The following PCDHGB1 variants were observed in gnomAD, a reference collection of about 807,000 sequenced individuals.
The protein encoded by PCDHGB1 is protocadherin gamma-B1.
PCDHGB1 carries 34 observed loss-of-function variants against 56.6 expected under a neutral mutation model. The ratio of observed to expected loss-of-function variants is 0.60; its 90% CI spans 0.46 to 0.80. The LOEUF (loss-of-function observed/expected upper bound fraction) is 0.80, where lower values mean the gene tolerates loss of function less well. Ranked by LOEUF, PCDHGB1 falls within the 30% of genes least tolerant of loss-of-function variation. The pLI is 0.00. For missense variants in PCDHGB1, 1,278 were observed against 1,204.6 expected (o/e 1.06, Z -0.90); for synonymous variants, 561 against 505.9 (o/e 1.11, Z -1.46).
At chr5:141,420,725 C>T (rs1468308275) in intron 1 of PCDHGB1, among the ~76,000 whole-genome samples, 1 of 152,188 alleles carries the variant, frequency 6.6e-6, no homozygotes, top group African/African-American at 2.4e-5. Flanking sequence ...TCCTTTCAGT[C>T]GGTTAAAATC....
chr5:141,490,482 G>A lies in PCDHGB1; in HGVS notation c.2410-4325G>A. On this transcript the variant is annotated intron_variant, in intron 1 of 3. Coordinates refer to ENST00000523390, the MANE Select transcript of PCDHGB1 (RefSeq NM_018922.3). The surrounding 1 kb of genome is among the most constrained non-coding windows in gnomAD (Gnocchi z 5.4). ...TGCTAACCAGCCAGCCTTTGGACCG[G>A]GAGGCCACATCCCACTATATCATCG... 2.5e-6 allele frequency: 4 copies of A among 1,614,154 alleles called. No homozygotes were observed. In the South Asian group the frequency reaches 4.4e-5, roughly 18 times the overall value.
At chr5:141,388,668 C>T in intron 1 of PCDHGB1, 1 of 1,613,882 alleles carries the variant, frequency 6.2e-7, no homozygotes, top group Non-Finnish European at 8.5e-7. Context: ...GACCACGGTG[C>T]TACAGGTGAC....
chr5:141,351,358 AG>A lies in PCDHGB1; in HGVS notation c.1099del (p.Val367CysfsTer12). ...DLGTVIALIK[V>X]RDKDSGQNGM... is the part of the protein sequence containing the mutation. ...TTGGAACTGTAATAGCCCTCATAAA[AG>A]TGCGAGACAAGGATTCTGGGCAAAA... On this transcript the variant is annotated frameshift_variant, in exon 1 of 4. Transcript: ENST00000523390. LOFTEE classifies it high-confidence loss of function. 1 of 1,613,168 alleles carries A rather than the reference AG, an allele frequency of 6.2e-7. No homozygotes were observed. Among genetic ancestry groups the A allele is most frequent in the Non-Finnish European group, 8.5e-7 (1 of 1,179,490 alleles).
intron 1 of PCDHGB1, among the ~76,000 whole-genome samples, chr5:141,464,630 T>C (rs981288560): frequency 1.3e-5 from 2 of 152,176 alleles, no homozygotes; most frequent in African/African-American, 4.8e-5. Context: ...AGCTTTTTAA[T>C]TGTTGCCAAC....
chr5:141,414,908 G>A (rs758472270), intron 1 of PCDHGB1: 19 of 1,614,188 alleles, frequency 1.2e-5, no homozygotes, highest in Non-Finnish European at 1.6e-5. Flanking sequence ...GGTTCCACAG[G>A]CGTGGAGCTG....
rs1187072972 is a variant in PCDHGB1 at position 141,487,553 on chromosome 5, C to T, written c.2410-7254C>T. 4 of 1,614,050 alleles carry T rather than the reference C, an allele frequency of 2.5e-6. No individual in the cohort carries two copies. The African/African-American group carries it at 4.0e-5, about 16-fold the overall frequency. On this transcript the variant is annotated intron_variant, in intron 1 of 3. Coordinates refer to ENST00000523390, the MANE Select transcript of PCDHGB1 (RefSeq NM_018922.3). The surrounding 1 kb of genome is among the most constrained non-coding windows in gnomAD (Gnocchi z 5.0). ...CATGATGGTGAAGTCACCCAGTGCA[C>T]CTATGGCAGGGGAGCCTGTTCGCCC...
Position 141,491,910 on chromosome 5 carries a change from G to A in PCDHGB1, c.2410-2897G>A, listed in dbSNP as rs946745903. 1.4e-5 allele frequency: 19 copies of A among 1,406,944 alleles called. No individual in the cohort carries two copies. The South Asian group carries it at 2.6e-4, about 19-fold the overall frequency. 87.2% of individuals were successfully genotyped at this position (1,406,944 alleles called of 1,614,324 possible). On this transcript the variant is annotated intron_variant, in intron 1 of 3. Transcript: ENST00000523390. This position sits in a 1 kb window ranked among gnomAD's most constrained non-coding sequence, Gnocchi z 6.9. ...GGCTCCGAGCACCGGGGGTGGTGGCGACTGTGGGCGAGGGGAGGTGGGACC... is the reference window on the plus strand; with the variant it reads ...GGCTCCGAGCACCGGGGGTGGTGGCAACTGTGGGCGAGGGGAGGTGGGACC...
At position 141,419,408 on chromosome 5, in the gene PCDHGB1, C is replaced by T. The variant is rs534591654; in HGVS notation, c.2409+66739C>T. On this transcript the variant is annotated intron_variant, in intron 1 of 3. Coordinates refer to ENST00000523390, the MANE Select transcript of PCDHGB1 (RefSeq NM_018922.3). ...CGCGCAGAGCGGGGTGGTGTTCGCG[C>T]AGCGCGCCTTCGACCACGAGCAGCT... 6.2e-6 allele frequency: 10 copies of T among 1,613,508 alleles called. No individual in the cohort carries two copies. The African/African-American group carries it at 1.3e-4, about 21-fold the overall frequency.
intron 1 of PCDHGB1, chr5:141,366,507 A>C: frequency 1.2e-6 from 2 of 1,614,238 alleles, no homozygotes; most frequent in Non-Finnish European, 8.5e-7. Flanking sequence ...CGCCTGCTTC[A>C]GGCTGAAGGC....
intron 1 of PCDHGB1, chr5:141,407,979 T>G: frequency 1.3e-6 from 1 of 748,940 alleles, no homozygotes; most frequent in Non-Finnish European, 2.0e-6. Context: ...ACGCCGGGGA[T>G]CCGTCAGCCT....
chr5:141,387,661 G>C (rs2091032284), intron 1 of PCDHGB1: 2 of 656,114 alleles, frequency 3.0e-6, no homozygotes, highest in East Asian at 5.7e-5. Context: ...AGAGCTTGGC[G>C]CTCCAGATCT....
chr5:141,478,017 T>C lies in PCDHGB1; in HGVS notation c.2410-16790T>C, dbSNP rs776415195. ...GGTCAAATCAGTACTGCCCGTCCAG[T>C]CCAAGACACAGATTCACCCAGGCAG... On this transcript the variant is annotated intron_variant, in intron 1 of 3. Transcript: ENST00000523390. 15 of 1,613,910 alleles carry C rather than the reference T, an allele frequency of 9.3e-6. No homozygotes were observed. In the African/African-American group the frequency reaches 1.9e-4, roughly 20 times the overall value.
At chr5:141,401,900 AATT>A (rs1215744256) in intron 1 of PCDHGB1, among the ~76,000 whole-genome samples, 1 of 152,196 alleles carries the variant, frequency 6.6e-6, no homozygotes, top group Non-Finnish European at 1.5e-5. Flanking sequence ...CTTTTTCCCA[AATT>A]ATTATATAAG....
At position 141,491,369 on chromosome 5, in the gene PCDHGB1, CCTTT is replaced by C; in HGVS notation, c.2410-3435_2410-3432del. ...AGTCTCTTATCCCTAGTCACCTTCACCTTTCTGTCAGCGAAGTGCCTTCAGGGAA... is the reference window on the plus strand; with the variant it reads ...AGTCTCTTATCCCTAGTCACCTTCACCTGTCAGCGAAGTGCCTTCAGGGAA... On this transcript the variant is annotated intron_variant, in intron 1 of 3. Transcript: ENST00000523390. The surrounding 1 kb of genome is among the most constrained non-coding windows in gnomAD (Gnocchi z 6.9). 1 of 1,614,110 alleles carries C rather than the reference CCTTT, an allele frequency of 6.2e-7. No individual in the cohort carries two copies. Among genetic ancestry groups the C allele is most frequent in the Non-Finnish European group, 8.5e-7 (1 of 1,179,996 alleles).
chr5:141,417,791 C>G, intron 1 of PCDHGB1: 1 of 1,482,658 alleles, frequency 6.7e-7, no homozygotes, highest in Non-Finnish European at 9.0e-7. Context: ...GCCGAATGCT[C>G]TTTTAGCGCG....
At position 141,505,479 on chromosome 5, in the gene PCDHGB1, G is replaced by A; in HGVS notation, c.2555G>A (p.Ser852Asn). 1 of 1,614,228 alleles carries A rather than the reference G, an allele frequency of 6.2e-7. No homozygotes were observed. The highest frequency in any genetic ancestry group is 8.5e-7 in the Non-Finnish European group (1 of 1,180,018). Residue 852 changes from serine to asparagine, a missense_variant and splice_region_variant, in exon 3 of 4, where the codon AGT (serine) becomes AAT (asparagine). Ser to Asn is a conservative substitution (Grantham distance 46, BLOSUM62 1). Coordinates refer to ENST00000523390, the MANE Select transcript of PCDHGB1 (RefSeq NM_018922.3). Reference sequence around the variant, plus strand: ...CAAGCCATGATCTTGGCGTCCGCCAGTGGTAAGTGGTGTCAGTGTGTGTAT... The same window carrying A: ...CAAGCCATGATCTTGGCGTCCGCCAATGGTAAGTGGTGTCAGTGTGTGTAT... Reference protein sequence around the residue: ...MLQAMILASASEAADGSSTLG... With the variant: ...MLQAMILASANEAADGSSTLG...
At position 141,400,246 on chromosome 5, in the gene PCDHGB1, G is replaced by T. The variant is rs373890751; in HGVS notation, c.2409+47577G>T. 4 of 1,613,986 alleles carry T rather than the reference G, an allele frequency of 2.5e-6. No individual in the cohort carries two copies. In the East Asian group the frequency reaches 6.7e-5, roughly 27 times the overall value. Reference sequence around the variant, plus strand: ...CTTCCTCCTGGCCGTGATTCTGGCCGTTGCCTTGCGCCTGCGACGCTCCTC... The same window carrying T: ...CTTCCTCCTGGCCGTGATTCTGGCCTTTGCCTTGCGCCTGCGACGCTCCTC... On this transcript the variant is annotated intron_variant, in intron 1 of 3. Transcript: ENST00000523390.
Position 141,489,140 on chromosome 5 carries a change from G to A in PCDHGB1, c.2410-5667G>A. ...CCTCCGAGCAGTTTTTAAGAGGCTG[G>A]AAGGAGACATAAGAGACTTCAGCTG... is the stretch of plus-strand genomic sequence containing the variant. On this transcript the variant is annotated intron_variant, in intron 1 of 3. Transcript: ENST00000523390. The surrounding 1 kb of genome is among the most constrained non-coding windows in gnomAD (Gnocchi z 4.5). The A allele has an allele frequency of 1.2e-6, 1 of 841,390 alleles. No individual in the cohort carries two copies. Among genetic ancestry groups the A allele is most frequent in the South Asian group, 2.1e-5 (1 of 47,082 alleles). The allele number at this position is 841,390 out of a possible 1,614,324, so 52.1% of individuals were successfully genotyped here.
At chr5:141,377,297 C>T (rs566234622) in intron 1 of PCDHGB1, 1 of 151,972 alleles carries the variant, frequency 6.6e-6, no homozygotes, top group Non-Finnish European at 1.5e-5. Context: ...TAATTTAGGT[C>T]AGTGTTAAAG....
Sources: gnomAD v4.1 joint callset for allele counts (sites outside exome capture counted in the v4.1 genomes callset) on GRCh38, gnomAD v4.1.1 for gene constraint, Gnocchi (gnomAD v3.1) non-coding constraint, MANE v1.5 for transcripts, NCBI Gene and HGNC (gene_info 2026-07-23, HGNC 2026-07-21) for gene names.